PAX3: variants seen among roughly 807,000 people sequenced by gnomAD.
PAX3 encodes paired box 3, also known as paired box protein Pax-3.
In PAX3, 14 loss-of-function variants were observed where a neutral mutation model predicts 51.6. The ratio of observed to expected loss-of-function variants is 0.27; its 90% CI spans 0.18 to 0.42. The LOEUF is 0.42. PAX3 is among the 10% of genes least tolerant of loss of function. The pLI, the probability that PAX3 is intolerant of heterozygous loss-of-function variation, is 1.00. For synonymous variants in PAX3, 280 were observed against 253.4 expected (o/e 1.11, Z -1.00); for missense variants, 540 against 642.8 (o/e 0.84, Z 1.73).
At position 222,294,243 on chromosome 2, in the gene PAX3, G is replaced by C; in HGVS notation, c.510C>G (p.Ala170=). ...CCTCTGCCTCCTTCCTCTCCAAGTCGGCCTCCTCCTCTTCACCTTTCCCGA... is the reference window on the plus strand; with the variant it reads ...CCTCTGCCTCCTTCCTCTCCAAGTCCGCCTCCTCCTCTTCACCTTTCCCGA... ...SKFGKGEEEE[A]DLERKEAEES... The change falls in exon 4 of 9, where the codon GCC becomes GCG. Residue 170 remains alanine, a synonymous_variant. Transcript: ENST00000392070. The C allele has an allele frequency of 2.5e-6, 4 of 1,614,176 alleles. No individual in the cohort carries two copies. Among genetic ancestry groups the C allele is most frequent in the Non-Finnish European group, 3.4e-6 (4 of 1,180,034 alleles).
At chr2:222,217,890 G>A (rs1052313849) in intron 7 of PAX3, among the ~76,000 whole-genome samples, 2 of 152,126 alleles carry the variant, frequency 1.3e-5, no homozygotes, top group Non-Finnish European at 2.9e-5. Flanking sequence ...AGAAATCTAA[G>A]TTTGAATCCA....
At chr2:222,290,352 A>G (rs1014581959) in intron 4 of PAX3, among the ~76,000 whole-genome samples, 2 of 152,184 alleles carry the variant, frequency 1.3e-5, no homozygotes, top group Non-Finnish European at 2.9e-5. Context: ...ACTTTCTCCA[A>G]TTTTTTAAGA....
intron 4 of PAX3, among the ~76,000 whole-genome samples, chr2:222,286,314 T>C (rs539206330): frequency 6.6e-6 from 1 of 152,338 alleles, no homozygotes; most frequent in East Asian, 1.9e-4. Context: ...CAGAATTCAG[T>C]TGATATTCAC....
intron 4 of PAX3, among the ~76,000 whole-genome samples, chr2:222,245,324 C>T (rs145970922): frequency 0.018 from 2,729 of 152,232 alleles, 31 homozygotes; most frequent in Middle Eastern, 0.092. Context: ...ATGGGGAAAA[C>T]CTGAATATAT....
intron 7 of PAX3, among the ~76,000 whole-genome samples, chr2:222,216,743 T>G (rs1691976736): frequency 6.7e-6 from 1 of 150,238 alleles, no homozygotes; most frequent in South Asian, 2.1e-4. Flanking sequence ...GAGAGAGAGA[T>G]GCTTTGGCTA....
intron 4 of PAX3, among the ~76,000 whole-genome samples, chr2:222,277,396 C>T (rs1299377565): frequency 6.6e-6 from 1 of 152,196 alleles, no homozygotes; most frequent in African/African-American, 2.4e-5. Context: ...TTCATTAGCT[C>T]CTTGCTGAAC....
intron 7 of PAX3, among the ~76,000 whole-genome samples, chr2:222,210,328 T>A (rs1691676794): frequency 6.6e-6 from 1 of 152,220 alleles, no homozygotes; most frequent in African/African-American, 2.4e-5. Context: ...TGGTACATGA[T>A]GTTTTAGCTA....
chr2:222,202,038 C>T lies in PAX3; in HGVS notation c.1326G>A (p.Leu442=). The change falls in exon 8 of 9, where the codon CTG becomes CTA. Residue 442 remains leucine, a synonymous_variant. Coordinates refer to ENST00000392070, the MANE Select transcript of PAX3 (RefSeq NM_181458.4). ...RLDHMKSLDS[L]PTSQSYCPPT... ...GTGGACAGTAGGACTGAGATGTTGG[C>T]AGACTGTCCAAGCTCTTCATATGGT... 2.5e-6 allele frequency: 4 copies of T among 1,614,048 alleles called. No individual in the cohort carries two copies. The highest frequency in any genetic ancestry group is 3.4e-6 in the Non-Finnish European group (4 of 1,180,000).
chr2:222,236,209 G>A (rs559121217), intron 4 of PAX3, among the ~76,000 whole-genome samples: 3 of 152,138 alleles, frequency 2.0e-5, no homozygotes, highest in Non-Finnish European at 4.4e-5. Context: ...AAATTTATTT[G>A]TACAGCACTT....
intron 4 of PAX3, among the ~76,000 whole-genome samples, chr2:222,245,124 G>A (rs1458354457): frequency 6.6e-6 from 1 of 152,098 alleles, no homozygotes; most frequent in Non-Finnish European, 1.5e-5. Context: ...CTCCAACCTG[G>A]ACAACAGAAC....
chr2:222,266,154 G>A (rs1179864427), intron 4 of PAX3, among the ~76,000 whole-genome samples: 1 of 152,144 alleles, frequency 6.6e-6, no homozygotes, highest in Non-Finnish European at 1.5e-5. Flanking sequence ...GAGCCTACAC[G>A]GAAACATATC....
At chr2:222,240,983 AT>A (rs1341922169) in intron 4 of PAX3, among the ~76,000 whole-genome samples, 4 of 152,208 alleles carry the variant, frequency 2.6e-5, no homozygotes, top group African/African-American at 9.6e-5. Flanking sequence ...TAATTAATTA[AT>A]CAGCTAACAG....
chr2:222,248,496 A>G (rs139063436), intron 4 of PAX3, among the ~76,000 whole-genome samples: 174 of 152,270 alleles, frequency 1.1e-3, no homozygotes, highest in African/African-American at 3.9e-3. Context: ...TGTACTTTCC[A>G]TACACACCGT....
At chr2:222,248,271 T>A (rs960201421) in intron 4 of PAX3, among the ~76,000 whole-genome samples, 6 of 152,072 alleles carry the variant, frequency 3.9e-5, no homozygotes, top group Non-Finnish European at 7.4e-5. Flanking sequence ...TTCATTAGAG[T>A]GGAACAAAAC....
At chr2:222,233,242 G>C (rs1692676588) in intron 4 of PAX3, among the ~76,000 whole-genome samples, 1 of 152,166 alleles carries the variant, frequency 6.6e-6, no homozygotes, top group Non-Finnish European at 1.5e-5. Flanking sequence ...AAGCCACTGT[G>C]TGGTGGCCTA....
rs952980272 is a variant in PAX3, at chr2:222,221,501, G to C, written c.793-114C>G. 12 of 967,492 alleles carry C rather than the reference G, an allele frequency of 1.2e-5. No homozygotes were observed. In the African/African-American group the frequency reaches 1.9e-4, roughly 16 times the overall value. The allele number at this position is 967,492 out of a possible 1,614,324, so 59.9% of individuals were successfully genotyped here. On this transcript the variant is annotated intron_variant, in intron 5 of 8. Coordinates refer to ENST00000392070, the MANE Select transcript of PAX3 (RefSeq NM_181458.4). ...CTTCTTACTGAAAGGGCAAATAGATGCAAGAGTTCTCTGCCTTCTGTGTTG... is the reference window on the plus strand; with the variant it reads ...CTTCTTACTGAAAGGGCAAATAGATCCAAGAGTTCTCTGCCTTCTGTGTTG...
At chr2:222,249,398 C>T (rs1179696580) in intron 4 of PAX3, among the ~76,000 whole-genome samples, 1 of 152,088 alleles carries the variant, frequency 6.6e-6, no homozygotes, top group Non-Finnish European at 1.5e-5. Context: ...TTTCCTTTTC[C>T]CATTTTCATC....
chr2:222,293,294 G>A (rs550282831), intron 4 of PAX3, among the ~76,000 whole-genome samples: 12 of 152,230 alleles, frequency 7.9e-5, no homozygotes, highest in South Asian at 6.2e-4. Context: ...CCCCCCTGCC[G>A]TCTCCTGCTG....
intron 4 of PAX3, among the ~76,000 whole-genome samples, chr2:222,242,105 G>C (rs770589384): frequency 1.3e-5 from 2 of 152,086 alleles, no homozygotes; most frequent in Non-Finnish European, 2.9e-5. Context: ...CTTTAATAGG[G>C]AAAGAAAAAC....
Sources: allele counts gnomAD v4.1 joint callset (sites outside exome capture counted in the v4.1 genomes callset), GRCh38; gene constraint gnomAD v4.1.1; transcripts MANE v1.5; gene names NCBI Gene and HGNC (gene_info 2026-07-23, HGNC 2026-07-21).